TOPAZ1: variants seen among roughly 807,000 people sequenced by gnomAD.
TOPAZ1 encodes testis and ovary specific TOPAZ 1.
TOPAZ1 carries 66 observed loss-of-function variants against 172.2 expected under a neutral mutation model. The observed-to-expected ratio is 0.38, with a 90% CI of 0.31 to 0.47. The LOEUF is 0.47. Among genes scored for constraint, TOPAZ1 ranks in the 20% least tolerant of loss-of-function variants. The pLI is 0.99. For synonymous variants in TOPAZ1, 681 were observed against 683.9 expected (o/e 1.00, Z 0.07); for missense variants, 1,822 against 1,972.4 (o/e 0.92, Z 1.44).
downstream of TOPAZ1, among the ~76,000 whole-genome samples, chr3:44,333,312 C>CT (rs2125709096): frequency 6.6e-6 from 1 of 152,152 alleles, no homozygotes; most frequent in South Asian, 2.1e-4. Flanking sequence ...CAGGTGACGT[C>CT]AAGAAGGATA....
At chr3:44,292,978 C>G (rs1327982582) in intron 12 of TOPAZ1, among the ~76,000 whole-genome samples, 4 of 152,118 alleles carry the variant, frequency 2.6e-5, no homozygotes, top group African/African-American at 9.7e-5. Context: ...CACTTCAAAC[C>G]ATTACAGTTA....
At chr3:44,329,138 G>A (rs1700635990) in intron 19 of TOPAZ1, among the ~76,000 whole-genome samples, 1 of 152,182 alleles carries the variant, frequency 6.6e-6, no homozygotes, top group African/African-American at 2.4e-5. Context: ...TATTACATTA[G>A]TTATCTGTTG....
In TOPAZ1 at chr3:44,268,363, A is replaced by ATTTTTTTTTTTTTTTTTTTTTT. The variant is rs1293339613; in HGVS notation, c.3161-851_3161-850insTTTTTTTTTTTTTTTTTTTTTT. ...AAAGAGTGTAAGCTCTGTGGTGCCT[A>ATTTTTTTTTTTTTTTTTTTTTT]TTCTTTTTTTTTTTTTTTTTTTTTT... On this transcript the variant is annotated intron_variant, in intron 6 of 19. Coordinates refer to ENST00000309765, the MANE Select transcript of TOPAZ1 (RefSeq NM_001145030.2). Among the ~76,000 whole-genome samples, 6 of 91,758 alleles carry ATTTTTTTTTTTTTTTTTTTTTT rather than the reference A, an allele frequency of 6.5e-5. 1 individual carries two copies. Among genetic ancestry groups the ATTTTTTTTTTTTTTTTTTTTTT allele is most frequent in the South Asian group, 6.9e-4 (2 of 2,912 alleles). 60.2% of individuals were successfully genotyped at this position (91,758 alleles called of 152,430 possible). A position where few individuals can be genotyped will look rare whatever the true frequency, so the allele number is the denominator to read the frequency against.
intron 19 of TOPAZ1, among the ~76,000 whole-genome samples, chr3:44,329,630 C>T (rs538583124): frequency 6.6e-6 from 1 of 152,288 alleles, no homozygotes; most frequent in Non-Finnish European, 1.5e-5. Context: ...CACAAGACTC[C>T]TGTGTCGGAG....
At chr3:44,317,319 G>T (rs537629282) in intron 16 of TOPAZ1, among the ~76,000 whole-genome samples, 26 of 152,254 alleles carry the variant, frequency 1.7e-4, no homozygotes, top group African/African-American at 6.3e-4. Flanking sequence ...TACTCAGGAG[G>T]CTGAGGCACA....
intron 19 of TOPAZ1, among the ~76,000 whole-genome samples, chr3:44,330,065 C>T (rs1375467001): frequency 6.6e-6 from 1 of 152,156 alleles, no homozygotes; most frequent in Non-Finnish European, 1.5e-5. Flanking sequence ...TTCTGTTCTC[C>T]TTTTTTGTAG....
intron 16 of TOPAZ1, among the ~76,000 whole-genome samples, chr3:44,316,078 T>A (rs9851227): frequency 0.011 from 1,636 of 144,962 alleles, 24 homozygotes; most frequent in African/African-American, 0.037. Flanking sequence ...CTATGAAATT[T>A]AAAAAAAAAA....
In TOPAZ1 at chr3:44,328,345, T is replaced by G; in HGVS notation, c.4771T>G (p.Leu1591Val). 1 of 1,522,570 alleles carries G rather than the reference T, an allele frequency of 6.6e-7. No individual in the cohort carries two copies. The highest frequency in any genetic ancestry group is 1.3e-5 in the South Asian group (1 of 79,350). The allele number at this position is 1,522,570 out of a possible 1,614,324, so 94.3% of individuals were successfully genotyped here. A position where few individuals can be genotyped will look rare whatever the true frequency, so the allele number is the denominator to read the frequency against. Reference protein sequence around the residue: ...PSYLSEIEMLLAIEIFMVSNA... With the variant: ...PSYLSEIEMLVAIEIFMVSNA... ...TTATTTATCTGAGATTGAAATGCTC[T>G]TAGCTATTGAAATCTTCATGGTATC... The change falls in exon 19 of 20, where the codon TTA (leucine) becomes GTA (valine). Residue 1591 changes from leucine (L) to valine (V), a missense_variant. Transcript: ENST00000309765.
chr3:44,297,615 A>T (rs1387269923), intron 12 of TOPAZ1, among the ~76,000 whole-genome samples: 1 of 152,238 alleles, frequency 6.6e-6, no homozygotes, highest in African/African-American at 2.4e-5. Flanking sequence ...CTTATTCAAC[A>T]TACTATGATA....
intron 16 of TOPAZ1, among the ~76,000 whole-genome samples, chr3:44,319,038 CTGGATG>C (rs1346865901): frequency 6.6e-6 from 1 of 151,930 alleles, no homozygotes; most frequent in Non-Finnish European, 1.5e-5. Flanking sequence ...GGCCCACAAC[CTGGATG>C]TGCCACCAGG....
At chr3:44,276,624 CTTTTTTTTTT>C (rs762865769) in intron 8 of TOPAZ1, among the ~76,000 whole-genome samples, 23 of 24,112 alleles carry the variant, frequency 9.5e-4, no homozygotes, top group African/African-American at 2.3e-3. Context: ...CAGCTTTGTT[CTTTTTTTTTT>C]TTTTTTTTTT....
downstream of TOPAZ1, among the ~76,000 whole-genome samples, chr3:44,333,330 CT>C (rs1700691155): frequency 6.6e-6 from 1 of 151,976 alleles, no homozygotes; most frequent in Non-Finnish European, 1.5e-5. Context: ...ATACCCAGTT[CT>C]TTAGTAAGAA....
At chr3:44,270,482 A>G (rs1335849630) in intron 7 of TOPAZ1, among the ~76,000 whole-genome samples, 1 of 152,236 alleles carries the variant, frequency 6.6e-6, no homozygotes, top group African/African-American at 2.4e-5. Context: ...TAAAATCCAG[A>G]CAAATCACTC....
At chr3:44,327,592 A>G (rs1177920372) in intron 18 of TOPAZ1, among the ~76,000 whole-genome samples, 1 of 152,230 alleles carries the variant, frequency 6.6e-6, no homozygotes, top group Non-Finnish European at 1.5e-5. Flanking sequence ...TAAATATTGC[A>G]TAAACTATAA....
At chr3:44,266,496 T>C (rs991068571) in intron 5 of TOPAZ1, among the ~76,000 whole-genome samples, 2 of 152,210 alleles carry the variant, frequency 1.3e-5, no homozygotes, top group South Asian at 4.1e-4. Context: ...TACTCCTCCT[T>C]TCACTTGACT....
In TOPAZ1 at chr3:44,323,266, T is replaced by C; in HGVS notation, c.4646T>C (p.Leu1549Ser). The change falls in exon 18 of 20, where the codon TTA (leucine) becomes TCA (serine). Residue 1549 changes from leucine to serine, a missense_variant. This residue lies in a region of TOPAZ1 where 333 missense variants were observed against 481.7 expected (regional missense o/e 0.69). Transcript: ENST00000309765. Reference sequence around the variant, plus strand: ...ATTACTTCTTTAGGAAGGAGTCGTTTATGGCTCAAAGCCAGAGCCCACTAC... The same window carrying C: ...ATTACTTCTTTAGGAAGGAGTCGTTCATGGCTCAAAGCCAGAGCCCACTAC... ...RLITSLGRSR[L>S]WLKARAHYKS... 1 of 1,549,646 alleles carries C rather than the reference T, an allele frequency of 6.5e-7. No homozygotes were observed. The highest frequency in any genetic ancestry group is 8.7e-7 in the Non-Finnish European group (1 of 1,145,836).
intron 9 of TOPAZ1, among the ~76,000 whole-genome samples, chr3:44,282,591 T>C (rs1205221575): frequency 1.3e-5 from 2 of 152,208 alleles, no homozygotes; most frequent in African/African-American, 4.8e-5. Flanking sequence ...TAGGCCCTTA[T>C]CTGATTCCAC....
intron 8 of TOPAZ1, among the ~76,000 whole-genome samples, chr3:44,280,500 A>G (rs1224533398): frequency 6.6e-6 from 1 of 151,476 alleles, no homozygotes; most frequent in Non-Finnish European, 1.5e-5. Flanking sequence ...CAGGCATGTC[A>G]CCATGTCCAG....
At chr3:44,270,927 G>C (rs1699889209) in intron 8 of TOPAZ1, 117 bp downstream of exon 8, 2 of 922,436 alleles carry the variant, frequency 2.2e-6, no homozygotes, top group Non-Finnish European at 3.0e-6. Flanking sequence ...GCCTGCTTTT[G>C]TTCTTTATAT....
Sources: gnomAD v4.1 joint callset for allele counts (sites outside exome capture counted in the v4.1 genomes callset) on GRCh38, gnomAD v4.1.1 for gene constraint, gnomAD v4.1.1 regional missense constraint, MANE v1.5 for transcripts, NCBI Gene and HGNC (gene_info 2026-07-23, HGNC 2026-07-21) for gene names.